The following MACROD2 variants were observed in gnomAD, a reference collection of about 807,000 sequenced individuals.
MACROD2 encodes the protein ADP-ribose glycohydrolase MACROD2.
MACROD2 carries 36 observed loss-of-function variants against 70.4 expected under a neutral mutation model. That is an observed-to-expected ratio of 0.51 (90% CI 0.39 to 0.68). MACROD2 has a LOEUF of 0.68. MACROD2 is among the 30% of genes least tolerant of loss of function. The pLI is 0.00. For synonymous variants in MACROD2, 172 were observed against 178.8 expected (o/e 0.96, Z 0.30); for missense variants, 496 against 538.4 (o/e 0.92, Z 0.78).
At chr20:15,153,156 G>A (rs1481247937) in intron 5 of MACROD2, among the ~76,000 whole-genome samples, 1 of 151,922 alleles carries the variant, frequency 6.6e-6, no homozygotes, top group Non-Finnish European at 1.5e-5. Flanking sequence ...CAAATTTCAT[G>A]TGTGTCCATG....
chr20:15,077,700 C>T (rs531232084), intron 5 of MACROD2, among the ~76,000 whole-genome samples: 7 of 152,230 alleles, frequency 4.6e-5, no homozygotes, highest in Middle Eastern at 3.4e-3. Flanking sequence ...TGGAGGCTCA[C>T]GTTGCATTTT....
At chr20:15,789,206 A>G (rs1170374956) in intron 8 of MACROD2, among the ~76,000 whole-genome samples, 2 of 152,220 alleles carry the variant, frequency 1.3e-5, no homozygotes, top group Admixed American at 6.5e-5. Flanking sequence ...CCTTAAAATG[A>G]CAAAAAGAAG....
chr20:15,980,116 CAG>C (rs1405320156), intron 13 of MACROD2, among the ~76,000 whole-genome samples: 1 of 152,188 alleles, frequency 6.6e-6, no homozygotes, highest in African/African-American at 2.4e-5. Context: ...CAGAACAGGG[CAG>C]AGAGTTTCAC....
chr20:15,825,285 A>T (rs1056588407), intron 8 of MACROD2, among the ~76,000 whole-genome samples: 1 of 152,178 alleles, frequency 6.6e-6, no homozygotes, highest in Non-Finnish European at 1.5e-5. Flanking sequence ...TCCTATGTTG[A>T]ATGCTTGCTC....
chr20:15,704,031 A>C (rs2050497332), intron 8 of MACROD2, among the ~76,000 whole-genome samples: 1 of 152,216 alleles, frequency 6.6e-6, no homozygotes, highest in Admixed American at 6.5e-5. Context: ...CATGAATACC[A>C]GGGGGTGAGA....
intron 6 of MACROD2, among the ~76,000 whole-genome samples, chr20:15,344,599 C>G (rs1260178809): frequency 6.6e-6 from 1 of 152,084 alleles, no homozygotes; most frequent in Non-Finnish European, 1.5e-5. Context: ...AGAACATCAG[C>G]CTTGAAAACC....
chr20:14,180,527 T>A lies in MACROD2; in HGVS notation c.271+94799T>A, dbSNP rs182882331. Among the ~76,000 whole-genome samples, 815 of 152,292 alleles carry A rather than the reference T, an allele frequency of 5.4e-3. 2 individuals are homozygous for A. The highest frequency in any genetic ancestry group is 9.5e-3 in the Non-Finnish European group (649 of 68,022). ...ATTCTTTTGTTGCAGTTTTCTTTTT[T>A]AAAAACTTATACGAATTTTTTAAAT... On this transcript the variant is annotated intron_variant, in intron 3 of 17. Transcript: ENST00000684519.
At chr20:15,358,772 C>T (rs2078318074) in intron 6 of MACROD2, among the ~76,000 whole-genome samples, 2 of 151,778 alleles carry the variant, frequency 1.3e-5, no homozygotes, top group Admixed American at 6.6e-5. Context: ...TGACTTCTCC[C>T]TGTGCCCTCC....
chr20:15,829,751 G>A (rs2064034330), intron 8 of MACROD2, among the ~76,000 whole-genome samples: 1 of 152,124 alleles, frequency 6.6e-6, no homozygotes, highest in South Asian at 2.1e-4. Context: ...CTTTGGGTGA[G>A]GGTGGCAAGC....
chr20:14,969,925 T>C (rs548792014), intron 5 of MACROD2, among the ~76,000 whole-genome samples: 20 of 152,266 alleles, frequency 1.3e-4, no homozygotes, highest in African/African-American at 4.6e-4. Context: ...ACCCTATTTA[T>C]AAACTAAATT....
At chr20:15,937,799 CTG>C (rs1437826611) in intron 12 of MACROD2, among the ~76,000 whole-genome samples, 3 of 151,174 alleles carry the variant, frequency 2.0e-5, no homozygotes, top group Non-Finnish European at 4.4e-5. Context: ...TGGAAAATAA[CTG>C]TTTATGAAAT....
intron 5 of MACROD2, among the ~76,000 whole-genome samples, chr20:14,819,022 T>C (rs966129101): frequency 6.6e-6 from 1 of 151,786 alleles, no homozygotes; most frequent in Non-Finnish European, 1.5e-5. Flanking sequence ...CCCAGCACTT[T>C]GGGAGGCCGA....
chr20:15,592,811 G>A (rs1044008809), intron 8 of MACROD2, among the ~76,000 whole-genome samples: 1 of 152,164 alleles, frequency 6.6e-6, no homozygotes, highest in African/African-American at 2.4e-5. Context: ...CTGGAGAGTG[G>A]TGAAAACATC....
At chr20:15,786,025 T>C (rs963751340) in intron 8 of MACROD2, among the ~76,000 whole-genome samples, 2 of 152,036 alleles carry the variant, frequency 1.3e-5, no homozygotes, top group Non-Finnish European at 2.9e-5. Flanking sequence ...GAAGAATAGA[T>C]ACAAGGGTTC....
intron 5 of MACROD2, among the ~76,000 whole-genome samples, chr20:14,818,663 A>G (rs1485186183): frequency 2.0e-5 from 3 of 151,918 alleles, no homozygotes; most frequent in Non-Finnish European, 2.9e-5. Context: ...GATGGCCAGT[A>G]TTACATTTTT....
intron 4 of MACROD2, among the ~76,000 whole-genome samples, chr20:14,606,581 G>T (rs1444333608): frequency 6.6e-6 from 1 of 152,114 alleles, no homozygotes; most frequent in East Asian, 1.9e-4. Context: ...AACATAGTTG[G>T]CAATAAATTA....
At chr20:15,612,343 C>G (rs2146712061) in intron 8 of MACROD2, among the ~76,000 whole-genome samples, 1 of 152,314 alleles carries the variant, frequency 6.6e-6, no homozygotes, top group African/African-American at 2.4e-5. Context: ...ATTGCGTCGA[C>G]TCTTCTGGGA....
At chr20:15,250,821 G>T (rs2077149166) in intron 6 of MACROD2, among the ~76,000 whole-genome samples, 1 of 152,146 alleles carries the variant, frequency 6.6e-6, no homozygotes, top group Non-Finnish European at 1.5e-5. Context: ...CAGTTCATGA[G>T]CTCCATGAGG....
intron 8 of MACROD2, among the ~76,000 whole-genome samples, chr20:15,501,889 A>T (rs1256559326): frequency 6.6e-6 from 1 of 152,230 alleles, no homozygotes; most frequent in Non-Finnish European, 1.5e-5. Context: ...AAGGACTTAT[A>T]AAAGAGTATT....
Sources: allele counts gnomAD v4.1 joint callset (sites outside exome capture counted in the v4.1 genomes callset), GRCh38; gene constraint gnomAD v4.1.1; transcripts MANE v1.5; gene names NCBI Gene and HGNC (gene_info 2026-07-23, HGNC 2026-07-21).